The following PKP1 variants were observed in gnomAD, a reference collection of about 807,000 sequenced individuals.
PKP1 encodes plakophilin-1.
A neutral mutation model predicts 76.4 loss-of-function variants in PKP1; 27 were observed. That is an observed-to-expected ratio of 0.35 (90% CI 0.26 to 0.49). PKP1 has a LOEUF of 0.49. PKP1 is among the 20% of genes least tolerant of loss of function. The pLI, the probability that PKP1 is intolerant of heterozygous loss-of-function variation, is 0.99. For synonymous variants in PKP1, 404 were observed against 384.2 expected, an observed-to-expected ratio of 1.05 and a Z score of -0.60; for missense variants, 964 against 955.2, an observed-to-expected ratio of 1.01 and a Z score of -0.12.
rs1208465091 is a variant in PKP1, at chr1:201,319,733, A to G, written c.1233-534A>G. 5 of 1,368,294 alleles carry G rather than the reference A, an allele frequency of 3.7e-6. No individual in the cohort carries two copies. The East Asian group carries it at 1.1e-4, about 31-fold the overall frequency. The allele number at this position is 1,368,294 out of a possible 1,614,324, so 84.8% of individuals were successfully genotyped here. On this transcript the variant is annotated intron_variant, in intron 6 of 13. Transcript: ENST00000367324. ...TGGGGGCAGAACACAGCTTGGGTGG[A>G]GAGGGAGCTTCTGGTGCCCAGCCCG... is the stretch of plus-strand genomic sequence containing the variant.
At chr1:201,320,563 C>G (rs6427899) in intron 7 of PKP1, among the ~76,000 whole-genome samples, 182 bp downstream of exon 7, 1 of 152,110 alleles carries the variant, frequency 6.6e-6, no homozygotes, top group Non-Finnish European at 1.5e-5. Context: ...CGTGCCCATG[C>G]AAATCCACTC....
chr1:201,324,491 C>A lies in PKP1; in HGVS notation c.1744C>A (p.Leu582Ile), dbSNP rs755148151. Residue 582 changes from leucine to isoleucine, a missense_variant, in exon 10 of 14, where the codon CTC becomes ATC. Leu to Ile is a conservative substitution (Grantham distance 5, BLOSUM62 2). Coordinates refer to ENST00000367324, the MANE Select transcript of PKP1 (RefSeq NM_001005337.3). Reference sequence around the variant, plus strand: ...AAAGGGCCTGCCACAAATTGCCCGCCTCCTGCAATCTGGCAACTCTGATGT... The same window carrying A: ...AAAGGGCCTGCCACAAATTGCCCGCATCCTGCAATCTGGCAACTCTGATGT... Reference protein sequence around the residue: ...KEKGLPQIARLLQSGNSDVVR... With the variant: ...KEKGLPQIARILQSGNSDVVR... The A allele has an allele frequency of 6.2e-7, 1 of 1,614,172 alleles. No homozygotes were observed. The highest frequency in any genetic ancestry group is 1.1e-5 in the South Asian group (1 of 91,076).
At chr1:201,321,261 C>T (rs1419716253) in intron 7 of PKP1, among the ~76,000 whole-genome samples, 2 of 152,196 alleles carry the variant, frequency 1.3e-5, no homozygotes, top group Non-Finnish European at 2.9e-5. Context: ...TGCAATATCT[C>T]CAACACCTGT....
At chr1:201,308,356 G>A (rs532546842) in intron 2 of PKP1, among the ~76,000 whole-genome samples, 1 of 152,316 alleles carries the variant, frequency 6.6e-6, no homozygotes, top group East Asian at 1.9e-4. Context: ...CACAGTCACA[G>A]TCCACCTTTC....
At chr1:201,305,524 A>G (rs779676332) in intron 2 of PKP1, among the ~76,000 whole-genome samples, 31 of 152,208 alleles carry the variant, frequency 2.0e-4, no homozygotes, top group Non-Finnish European at 3.5e-4. Flanking sequence ...AAGCAAACAA[A>G]CAAAAACTGT....
rs375084708 is a variant in PKP1 at position 201,283,816 on chromosome 1, G to T, written c.114G>T (p.Arg38Ser). The T allele has an allele frequency of 3.1e-6, 5 of 1,614,066 alleles. No individual in the cohort carries two copies. The African/African-American group carries it at 5.3e-5, about 17-fold the overall frequency. ...DQKMKTGTSG[R>S]QRVQEQVMMT... ...AGATGAAAACAGGCACGTCTGGCAGGCAGCGCGTGCAGGAGCAGGTGATGA... is the reference window on the plus strand; with the variant it reads ...AGATGAAAACAGGCACGTCTGGCAGTCAGCGCGTGCAGGAGCAGGTGATGA... The change falls in exon 1 of 14, where the codon AGG (arginine) becomes AGT (serine). Residue 38 changes from arginine (R) to serine (S), a missense_variant. Transcript: ENST00000367324.
intron 1 of PKP1, among the ~76,000 whole-genome samples, chr1:201,288,869 G>A (rs773094910): frequency 2.8e-4 from 43 of 152,288 alleles, no homozygotes; most frequent in Non-Finnish European, 4.6e-4. Flanking sequence ...GTCTGAACGC[G>A]TCCCAGCAGA....
rs543331730 is a variant in PKP1, at chr1:201,331,355, T to G, written c.*1314T>G. On this transcript the variant is annotated 3_prime_UTR_variant, in exon 14 of 14. Coordinates refer to ENST00000367324, the MANE Select transcript of PKP1 (RefSeq NM_001005337.3). ...ATGTGATAAACAGGGCTATTAGGGG[T>G]ATCAGCCACGTCGAGCCCCCAGACT... The G allele has an allele frequency of 2.0e-5, 3 of 152,166 alleles. No individual in the cohort carries two copies. In the East Asian group the frequency reaches 5.8e-4, roughly 29 times the overall value. 9.4% of individuals were successfully genotyped at this position (152,166 alleles called of 1,614,324 possible). A position where few individuals can be genotyped will look rare whatever the true frequency, so the allele number is the denominator to read the frequency against.
chr1:201,311,710 G>T (rs956751446), intron 2 of PKP1, among the ~76,000 whole-genome samples: 8 of 152,044 alleles, frequency 5.3e-5, no homozygotes, highest in African/African-American at 1.9e-4. Flanking sequence ...TCAGGGAGGG[G>T]CAGGGGTGGG....
intron 2 of PKP1, among the ~76,000 whole-genome samples, chr1:201,303,890 G>A (rs1461854096): frequency 2.0e-5 from 3 of 152,204 alleles, no homozygotes; most frequent in African/African-American, 4.8e-5. Context: ...GGAGAGCTGA[G>A]GTCCTAAGAG....
At chr1:201,297,697 A>G (rs1378000457) in intron 2 of PKP1, among the ~76,000 whole-genome samples, 1 of 152,150 alleles carries the variant, frequency 6.6e-6, no homozygotes, top group Non-Finnish European at 1.5e-5. Context: ...TCAATATTTG[A>G]ACGTTACAAC....
intron 2 of PKP1, among the ~76,000 whole-genome samples, chr1:201,306,846 TG>T (rs776112107): frequency 3.3e-5 from 1 of 30,678 alleles, no homozygotes; most frequent in Non-Finnish European, 1.3e-4. Context: ...GGCTACTTTT[TG>T]TTTTTTTTGT....
chr1:201,305,577 A>G (rs928252068), intron 2 of PKP1, among the ~76,000 whole-genome samples: 7 of 152,066 alleles, frequency 4.6e-5, no homozygotes, highest in African/African-American at 1.7e-4. Context: ...GTCTCCAGGG[A>G]CCTCTTTTCT....
chr1:201,297,666 A>T (rs1309539105), intron 2 of PKP1, among the ~76,000 whole-genome samples: 1 of 152,176 alleles, frequency 6.6e-6, no homozygotes, highest in African/African-American at 2.4e-5. Flanking sequence ...TATGACTGCC[A>T]TTCTGTGGGT....
intron 11 of PKP1, 41 bp downstream of exon 11, chr1:201,325,168 A>T: frequency 6.3e-7 from 1 of 1,593,318 alleles, no homozygotes; most frequent in Admixed American, 1.7e-5. Context: ...CCCCAATCAG[A>T]GCCCCTCCTC....
chr1:201,313,262 T>A lies in PKP1; in HGVS notation c.403T>A (p.Cys135Ser). 6.2e-7 allele frequency: 1 copy of A among 1,605,258 alleles called. No homozygotes were observed. Among genetic ancestry groups the A allele is most frequent in the South Asian group, 1.1e-5 (1 of 89,544 alleles). ...GAGCCGGCACTACCCCCGGGGCAGC[T>A]GTAACACCACCGGCGCAGGCAGCGA... Reference protein sequence around the residue: ...NWSRHYPRGSCNTTGAGSDIC... With the variant: ...NWSRHYPRGSSNTTGAGSDIC... The change falls in exon 3 of 14, where the codon TGT becomes AGT. Residue 135 changes from cysteine (C) to serine (S), a missense_variant. Cys to Ser is a moderately radical substitution (Grantham distance 112). Coordinates refer to ENST00000367324, the MANE Select transcript of PKP1 (RefSeq NM_001005337.3).
chr1:201,305,276 G>A (rs1194454024), intron 2 of PKP1, among the ~76,000 whole-genome samples: 1 of 152,230 alleles, frequency 6.6e-6, no homozygotes, highest in African/African-American at 2.4e-5. Context: ...CCAGCACTCT[G>A]GGAGGCTGAG....
chr1:201,296,637 G>C (rs1406933164), intron 2 of PKP1, among the ~76,000 whole-genome samples: 3 of 152,224 alleles, frequency 2.0e-5, no homozygotes, highest in Non-Finnish European at 4.4e-5. Flanking sequence ...AAAAGAATCT[G>C]ACTTTGCCCT....
At chr1:201,324,254 G>A (rs778056965) in intron 9 of PKP1, among the ~76,000 whole-genome samples, 174 bp from the exon 10 acceptor site, 47 of 152,134 alleles carry the variant, frequency 3.1e-4, no homozygotes, top group Non-Finnish European at 5.7e-4. Flanking sequence ...GGCTGGGAAA[G>A]GGGAGGTGCA....
Sources: allele counts gnomAD v4.1 joint callset (sites outside exome capture counted in the v4.1 genomes callset), GRCh38; gene constraint gnomAD v4.1.1; transcripts MANE v1.5; gene names NCBI Gene and HGNC (gene_info 2026-07-23, HGNC 2026-07-21).